Variants in HDAC9 observed in about 807,000 individuals in gnomAD.
HDAC9 encodes MEF-2 interacting transcription repressor (MITR) protein.
Under a neutral mutation model 139.4 loss-of-function variants are expected in HDAC9, and 41 were observed. The ratio of observed to expected loss-of-function variants is 0.29; its 90% confidence interval spans 0.23 to 0.38. HDAC9 has a LOEUF of 0.38. Among genes scored for constraint, HDAC9 ranks in the 10% least tolerant of loss-of-function variants. HDAC9 has a pLI of 1.00. For synonymous variants in HDAC9, 517 were observed against 476.2 expected (o/e 1.09, Z -1.12); for missense variants, 1,147 against 1,297.0 (o/e 0.88, Z 1.78).
intron 1 of HDAC9, among the ~76,000 whole-genome samples, chr7:18,161,263 T>C (rs1787610455): frequency 6.6e-6 from 1 of 152,220 alleles, no homozygotes; most frequent in Non-Finnish European, 1.5e-5. Flanking sequence ...GGTGATGTTA[T>C]AAAGTTCTTC....
chr7:18,317,668 A>G (rs555738357), intron 1 of HDAC9, among the ~76,000 whole-genome samples: 10 of 152,282 alleles, frequency 6.6e-5, no homozygotes, highest in South Asian at 4.1e-4. Context: ...TGCTAAATCA[A>G]CTGCTGCCTA....
At chr7:18,605,517 C>T (rs377758474) in intron 6 of HDAC9, among the ~76,000 whole-genome samples, 2 of 152,134 alleles carry the variant, frequency 1.3e-5, no homozygotes, top group Non-Finnish European at 2.9e-5. Context: ...ACAAGTATTA[C>T]AAAATGGTTA....
intron 1 of HDAC9, among the ~76,000 whole-genome samples, chr7:18,112,404 A>G (rs1481908937): frequency 6.8e-6 from 1 of 147,408 alleles, no homozygotes; most frequent in East Asian, 2.1e-4. Flanking sequence ...TACATTGTGA[A>G]TGGCACAAAA....
chr7:18,619,665 G>A (rs1839681354), intron 6 of HDAC9, among the ~76,000 whole-genome samples: 1 of 152,204 alleles, frequency 6.6e-6, no homozygotes, highest in Non-Finnish European at 1.5e-5. Flanking sequence ...GGAGCCAGAA[G>A]AGAGAGGGAA....
At chr7:18,861,465 CT>C (rs1350083177) in intron 21 of HDAC9, among the ~76,000 whole-genome samples, 1 of 152,096 alleles carries the variant, frequency 6.6e-6, no homozygotes, top group East Asian at 1.9e-4. Flanking sequence ...GCTCCCTATG[CT>C]TGCGTATAGG....
At chr7:18,667,707 A>G (rs1361623302) in intron 12 of HDAC9, 9 of 985,210 alleles carry the variant, frequency 9.1e-6, no homozygotes, top group Non-Finnish European at 1.1e-5. Context: ...AGGAAAAAAA[A>G]TCTGAGGATA....
At chr7:18,469,981 C>T (rs567231274) in intron 1 of HDAC9, among the ~76,000 whole-genome samples, 2 of 152,162 alleles carry the variant, frequency 1.3e-5, no homozygotes, top group African/African-American at 4.8e-5. Flanking sequence ...CTGTGCATAG[C>T]TTATTAATAA....
chr7:18,685,395 C>G (rs1025763196), intron 12 of HDAC9, among the ~76,000 whole-genome samples: 1 of 151,760 alleles, frequency 6.6e-6, no homozygotes, highest in East Asian at 1.9e-4. Flanking sequence ...TATACAATTT[C>G]TAGGTGTTCT....
rs72123660 is a variant in HDAC9 at position 18,535,722 on chromosome 7, CAAAAAAAAA to C, written c.22+39419_22+39427del. ...GGGGATAGCCCATAAAGGCATTAAG[CAAAAAAAAA>C]AAAAAAAAAAAAAAAAAAAATTTAC... On this transcript the variant is annotated intron_variant, in intron 2 of 25. Transcript: ENST00000686413. Among the ~76,000 whole-genome samples, 37 of 49,252 alleles carry C rather than the reference CAAAAAAAAA, an allele frequency of 7.5e-4. 1 individual carries two copies. Among genetic ancestry groups the C allele is most frequent in the Non-Finnish European group, 9.6e-4 (27 of 28,178 alleles). 32.3% of individuals were successfully genotyped at this position (49,252 alleles called of 152,430 possible). A position where few individuals can be genotyped will look rare whatever the true frequency, so the allele number is the denominator to read the frequency against.
chr7:18,898,753 T>C (rs6954476), intron 22 of HDAC9, among the ~76,000 whole-genome samples: 20,904 of 151,900 alleles, frequency 0.14, 2,937 homozygotes, highest in African/African-American at 0.37. Flanking sequence ...TAAGTGAGTC[T>C]GATTTAGTTG....
chr7:18,990,360 G>A (rs1043925928), intron 25 of HDAC9, among the ~76,000 whole-genome samples: 38 of 152,338 alleles, frequency 2.5e-4, no homozygotes, highest in African/African-American at 5.8e-4. Flanking sequence ...TAGGCTGCTC[G>A]TGGGTCAGGG....
chr7:18,990,370 G>T (rs544695881), intron 25 of HDAC9, among the ~76,000 whole-genome samples: 235 of 152,286 alleles, frequency 1.5e-3, no homozygotes, highest in African/African-American at 5.3e-3. Context: ...GTGGGTCAGG[G>T]GTCAGGGACC....
At chr7:18,748,569 A>G (rs531619681) in intron 13 of HDAC9, among the ~76,000 whole-genome samples, 1 of 152,322 alleles carries the variant, frequency 6.6e-6, no homozygotes, top group Non-Finnish European at 1.5e-5. Flanking sequence ...AAGTCAGGCT[A>G]GAATGACTCA....
chr7:18,188,295 T>G (rs1181717506), intron 2 of HDAC9, among the ~76,000 whole-genome samples: 1 of 152,104 alleles, frequency 6.6e-6, no homozygotes, highest in Non-Finnish European at 1.5e-5. Context: ...TGGCTAGCTA[T>G]ATGCAGAAAA....
rs191119774 is a variant in HDAC9, at chr7:18,838,266, G to A, written c.2684+2269G>A. ...TCAGGGATCATAATATATGTCATAC[G>A]TATTATTCTAGAGAACAGAAGCGCT... On this transcript the variant is annotated intron_variant, in intron 21 of 25. Coordinates refer to ENST00000686413, the MANE Select transcript of HDAC9 (RefSeq NM_178425.4). Among the ~76,000 whole-genome samples the A allele has an allele frequency of 1.4e-4, 22 of 152,110 alleles. No homozygotes were observed. The East Asian group carries it at 2.1e-3, about 15-fold the overall frequency.
chr7:18,440,133 TTG>T (rs979063004), intron 1 of HDAC9, among the ~76,000 whole-genome samples: 1 of 152,130 alleles, frequency 6.6e-6, no homozygotes, highest in African/African-American at 2.4e-5. Flanking sequence ...TTGTTTTGTT[TTG>T]TCTTTGGGAT....
chr7:18,306,595 GTC>G (rs751920633), intron 1 of HDAC9, among the ~76,000 whole-genome samples: 1 of 152,122 alleles, frequency 6.6e-6, no homozygotes, highest in Non-Finnish European at 1.5e-5. Context: ...CATACTTTTG[GTC>G]TCTCTCCAAG....
At chr7:18,121,307 C>T (rs1784353228) in intron 1 of HDAC9, among the ~76,000 whole-genome samples, 1 of 152,072 alleles carries the variant, frequency 6.6e-6, no homozygotes, top group African/African-American at 2.4e-5. Context: ...TAGGCAGTTG[C>T]CTTGTGTAGG....
chr7:18,935,335 C>T (rs908141499), intron 22 of HDAC9, among the ~76,000 whole-genome samples: 1 of 151,998 alleles, frequency 6.6e-6, no homozygotes, highest in African/African-American at 2.4e-5. Context: ...ATAGATTTTA[C>T]ATTACATTAG....
Sources: gnomAD v4.1 joint callset for allele counts (sites outside exome capture counted in the v4.1 genomes callset) on GRCh38, gnomAD v4.1.1 for gene constraint, MANE v1.5 for transcripts, NCBI Gene and HGNC (gene_info 2026-07-23, HGNC 2026-07-21) for gene names.